The following XNDC1N variants were observed in gnomAD, a reference collection of about 807,000 sequenced individuals.
The protein encoded by XNDC1N is protein XNDC1N.
At chr11:71,869,962 G>A in the XNDC1N span, among the ~76,000 whole-genome samples, 7 of 152,200 alleles carry the variant, frequency 4.6e-5, no homozygotes, top group Non-Finnish European at 8.8e-5. Context: ...TATAAGGAAA[G>A]AGGTTTAATT....
the XNDC1N span, chr11:71,894,106 G>T: frequency 2.1e-6 from 1 of 479,126 alleles, no homozygotes. Flanking sequence ...TCCCATTTCA[G>T]GGATCCTTGT....
At chr11:71,917,409 A>G in the XNDC1N span, 1 of 618,310 alleles carries the variant, frequency 1.6e-6, no homozygotes, top group African/African-American at 1.8e-5. Flanking sequence ...ATAAATCTCC[A>G]TCTCCCCAGC....
chr11:71,915,705 T>C, the XNDC1N span, among the ~76,000 whole-genome samples: 1 of 47,120 alleles, frequency 2.1e-5, no homozygotes, highest in Admixed American at 1.9e-4. Context: ...ACACGGGAGC[T>C]TTGGGACTTA....
chr11:71,919,512 T>C, the XNDC1N span, among the ~76,000 whole-genome samples: 1 of 150,994 alleles, frequency 6.6e-6, no homozygotes, highest in African/African-American at 2.4e-5. Flanking sequence ...CTCAGCCTCC[T>C]GAGTAGCTGG....
the XNDC1N span, among the ~76,000 whole-genome samples, chr11:71,901,842 C>T: frequency 6.6e-5 from 10 of 151,996 alleles, no homozygotes; most frequent in African/African-American, 2.2e-4. Flanking sequence ...GTGCCCGCTG[C>T]GTGATCTCTA....
chr11:71,897,414 C>G, the XNDC1N span, among the ~76,000 whole-genome samples: 8 of 152,194 alleles, frequency 5.3e-5, no homozygotes, highest in Non-Finnish European at 1.0e-4. Flanking sequence ...CAACAATGGT[C>G]AGAAGACGCG....
the XNDC1N span, among the ~76,000 whole-genome samples, chr11:71,898,816 G>A: frequency 3.9e-5 from 6 of 152,016 alleles, no homozygotes; most frequent in African/African-American, 9.7e-5. Flanking sequence ...CAATGTGAAC[G>A]TACTTAATGT....
the XNDC1N span, among the ~76,000 whole-genome samples, chr11:71,907,229 G>A: frequency 2.6e-5 from 4 of 152,070 alleles, no homozygotes; most frequent in African/African-American, 9.7e-5. Flanking sequence ...CTAGAATATG[G>A]AAAATAATGT....
chr11:71,918,015 G>A, the XNDC1N span, among the ~76,000 whole-genome samples: 1 of 152,214 alleles, frequency 6.6e-6, no homozygotes, highest in African/African-American at 2.4e-5. Context: ...TGATTAAAGA[G>A]ACTTGTTGCT....
the XNDC1N span, among the ~76,000 whole-genome samples, chr11:71,892,587 T>G: frequency 6.6e-6 from 1 of 152,148 alleles, no homozygotes. Flanking sequence ...AAAAATCCTG[T>G]CACATGGTGT....
chr11:71,896,668 AT>A, the XNDC1N span, among the ~76,000 whole-genome samples: 1 of 152,158 alleles, frequency 6.6e-6, no homozygotes, highest in Non-Finnish European at 1.5e-5. Context: ...GGTTCAAGCG[AT>A]TCTCCTGCCT....
At chr11:71,880,176 C>T in the XNDC1N span, among the ~76,000 whole-genome samples, 1 of 152,004 alleles carries the variant, frequency 6.6e-6, no homozygotes, top group African/African-American at 2.4e-5. Flanking sequence ...TAATCTAAAT[C>T]TCAGGTATAA....
chr11:71,907,772 G>A, the XNDC1N span, among the ~76,000 whole-genome samples: 1 of 152,034 alleles, frequency 6.6e-6, no homozygotes, highest in African/African-American at 2.4e-5. Context: ...TTCCCTCCAG[G>A]ATCATGGGAA....
chr11:71,879,237 A>G, the XNDC1N span, among the ~76,000 whole-genome samples: 1 of 152,186 alleles, frequency 6.6e-6, no homozygotes, highest in South Asian at 2.1e-4. Context: ...TTAAAGTTGA[A>G]TAAAACTCAT....
the XNDC1N span, among the ~76,000 whole-genome samples, chr11:71,920,178 T>C: frequency 6.6e-6 from 1 of 150,910 alleles, no homozygotes; most frequent in Non-Finnish European, 1.5e-5. Flanking sequence ...CAGGATGGTC[T>C]GGATCTCCTG....
chr11:71,919,778 C>G, the XNDC1N span, among the ~76,000 whole-genome samples: 10 of 149,886 alleles, frequency 6.7e-5, no homozygotes, highest in Non-Finnish European at 1.3e-4. Flanking sequence ...CCACCATGCC[C>G]GGCTAATTTT....
At chr11:71,883,922 G>A in the XNDC1N span, among the ~76,000 whole-genome samples, 1 of 152,090 alleles carries the variant, frequency 6.6e-6, no homozygotes, top group Non-Finnish European at 1.5e-5. Flanking sequence ...GAACAGAGAA[G>A]CAACCAAAGA....
At chr11:71,906,893 G>A in the XNDC1N span, among the ~76,000 whole-genome samples, 5 of 152,116 alleles carry the variant, frequency 3.3e-5, no homozygotes, top group Non-Finnish European at 5.9e-5. Flanking sequence ...GTGATATGAG[G>A]AGTGATATCT....
At chr11:71,913,665 TAAAAAA>T in the XNDC1N span, among the ~76,000 whole-genome samples, 1 of 105,338 alleles carries the variant, frequency 9.5e-6, no homozygotes, top group Non-Finnish European at 2.0e-5. Context: ...TCTCAAAAGA[TAAAAAA>T]AAAAAAAAAA....
Sources: allele counts gnomAD v4.1 joint callset (sites outside exome capture counted in the v4.1 genomes callset), GRCh38; gene constraint gnomAD v4.1.1; transcripts MANE v1.5; gene names NCBI Gene and HGNC (gene_info 2026-07-23, HGNC 2026-07-21).